Variants in VPS50 observed in about 807,000 individuals in gnomAD.
The protein encoded by VPS50 is VPS50 subunit of EARP/GARPII complex, also known as syndetin.
VPS50 carries 70 observed loss-of-function variants against 139.7 expected under a neutral mutation model. The ratio of observed to expected loss-of-function variants is 0.50; its 90% CI spans 0.41 to 0.61. The LOEUF (loss-of-function observed/expected upper bound fraction) is 0.61, where lower values mean the gene tolerates loss of function less well. VPS50 is among the 20% of genes least tolerant of loss of function. The pLI, the probability that VPS50 is intolerant of heterozygous loss-of-function variation, is 0.00. For missense variants in VPS50, 921 were observed against 1,133.7 expected, an observed-to-expected ratio of 0.81 and a Z score of 2.69; for synonymous variants, 365 against 376.7, an observed-to-expected ratio of 0.97 and a Z score of 0.36.
intron 22 of VPS50, chr7:93,340,501 AGC>A (rs1798182654): frequency 6.6e-6 from 1 of 152,054 alleles, no homozygotes; most frequent in South Asian, 2.1e-4. Context: ...GTTTGCTAAG[AGC>A]TTAGTAAAAA....
chr7:93,276,666 T>G (rs536914822), intron 12 of VPS50, among the ~76,000 whole-genome samples: 12 of 152,324 alleles, frequency 7.9e-5, no homozygotes, highest in Non-Finnish European at 1.2e-4. Context: ...AGTTTTTTCA[T>G]GTGTATGAAT....
intron 12 of VPS50, among the ~76,000 whole-genome samples, chr7:93,284,057 A>G (rs1486994589): frequency 6.6e-6 from 1 of 152,168 alleles, no homozygotes. Flanking sequence ...AACTCTTAAC[A>G]TTATCAATGT....
chr7:93,311,100 T>G (rs1797253481), intron 19 of VPS50, 66 bp from the exon 20 acceptor site: 1 of 787,556 alleles, frequency 1.3e-6, no homozygotes, highest in Non-Finnish European at 2.3e-6. Context: ...TAGGGACCTA[T>G]CTGACTAACT....
Position 93,257,538 on chromosome 7 carries a change from TA to T in VPS50, c.422+76del, listed in dbSNP as rs1232944144. ...GAATAACTATGGAATCTATAATTTA[TA>T]ATTGATTTTTTAAATTATGGATGTG... On this transcript the variant is annotated intron_variant, in intron 6 of 27. Transcript: ENST00000305866. 7 of 831,074 alleles carry T rather than the reference TA, an allele frequency of 8.4e-6. No individual in the cohort carries two copies. In the African/African-American group the frequency reaches 1.2e-4, roughly 15 times the overall value. 51.5% of individuals were successfully genotyped at this position (831,074 alleles called of 1,614,324 possible).
At chr7:93,246,678 A>C (rs537750549) in intron 2 of VPS50, among the ~76,000 whole-genome samples, 3 of 151,998 alleles carry the variant, frequency 2.0e-5, no homozygotes, top group South Asian at 2.1e-4. Flanking sequence ...AAGAGCCCTG[A>C]ATTTGGATTA....
intron 25 of VPS50, among the ~76,000 whole-genome samples, chr7:93,352,461 C>G (rs1798587635): frequency 6.6e-6 from 1 of 152,156 alleles, no homozygotes; most frequent in Non-Finnish European, 1.5e-5. Flanking sequence ...GAGGATAACA[C>G]AGTTGTCATT....
At chr7:93,338,905 G>A (rs547402052) in intron 22 of VPS50, among the ~76,000 whole-genome samples, 9 of 152,116 alleles carry the variant, frequency 5.9e-5, no homozygotes, top group Non-Finnish European at 1.3e-4. Flanking sequence ...GACTGCTAAG[G>A]AGCCTGTGAC....
chr7:93,250,173 CTCTTT>C (rs1584386711), intron 2 of VPS50, among the ~76,000 whole-genome samples: 1 of 151,860 alleles, frequency 6.6e-6, no homozygotes, highest in East Asian at 1.9e-4. Context: ...AGTTTGCCTT[CTCTTT>C]TAAGTTTATT....
intron 2 of VPS50, among the ~76,000 whole-genome samples, chr7:93,247,398 G>A (rs545434589): frequency 6.6e-6 from 1 of 152,004 alleles, no homozygotes; most frequent in African/African-American, 2.4e-5. Context: ...TTTCTATCCT[G>A]CGGAAGCCAC....
intron 9 of VPS50, among the ~76,000 whole-genome samples, chr7:93,261,735 C>T (rs918275740): frequency 2.1e-5 from 3 of 145,520 alleles, no homozygotes; most frequent in Admixed American, 2.0e-4. Context: ...GTTGTGCATA[C>T]AGTGGAAGCA....
chr7:93,351,363 C>T (rs1562901455), intron 25 of VPS50, among the ~76,000 whole-genome samples: 1 of 148,546 alleles, frequency 6.7e-6, no homozygotes, highest in Non-Finnish European at 1.5e-5. Flanking sequence ...GATACCCCTT[C>T]TTTTTTTTTT....
intron 2 of VPS50, among the ~76,000 whole-genome samples, chr7:93,247,158 ACAC>A (rs1795180197): frequency 6.6e-6 from 1 of 151,864 alleles, no homozygotes; most frequent in South Asian, 2.1e-4. Flanking sequence ...TGCTGGAAAA[ACAC>A]AGCCTCTAAA....
chr7:93,266,738 A>G (rs1209493073), intron 9 of VPS50, among the ~76,000 whole-genome samples: 5 of 152,206 alleles, frequency 3.3e-5, no homozygotes, highest in Non-Finnish European at 7.3e-5. Flanking sequence ...TCCTTTTAAC[A>G]TACTTTAATT....
intron 2 of VPS50, among the ~76,000 whole-genome samples, chr7:93,245,744 G>A (rs907186144): frequency 6.6e-6 from 1 of 151,824 alleles, no homozygotes; most frequent in African/African-American, 2.4e-5. Flanking sequence ...AAGAAAAACA[G>A]GGTAGGCTTT....
chr7:93,357,510 A>G (rs1798740577), intron 27 of VPS50, among the ~76,000 whole-genome samples: 1 of 152,168 alleles, frequency 6.6e-6, no homozygotes. Flanking sequence ...GCTCTCAGAG[A>G]TCAGATACAC....
intron 21 of VPS50, among the ~76,000 whole-genome samples, chr7:93,331,928 CA>C (rs1797953511): frequency 6.6e-6 from 1 of 152,110 alleles, no homozygotes; most frequent in Non-Finnish European, 1.5e-5. Context: ...ATCTGCACTG[CA>C]AAAGAAGATA....
intron 2 of VPS50, chr7:93,246,224 A>C (rs553190927): frequency 1.2e-6 from 1 of 837,624 alleles, no homozygotes; most frequent in African/African-American, 1.7e-5. Flanking sequence ...CTTTGATCAA[A>C]GATTTGCTGT....
In VPS50 at chr7:93,253,921, A is replaced by G. The variant is rs1329296123; in HGVS notation, c.287A>G (p.Gln96Arg). 7.6e-6 allele frequency: 12 copies of G among 1,579,568 alleles called. No individual in the cohort carries two copies. In the Admixed American group the frequency reaches 8.5e-5, roughly 11 times the overall value. Residue 96 changes from glutamine (Q) to arginine (R), a missense_variant, in exon 4 of 28, where the codon CAG becomes CGG. This residue lies in a region of VPS50 where 744 missense variants were observed against 930.6 expected (regional missense o/e 0.80). Coordinates refer to ENST00000305866, the MANE Select transcript of VPS50 (RefSeq NM_017667.4). The part of the protein sequence containing the change: ...LEAYRDKLKQ[Q>R]QAAVSKKVAD... Reference sequence around the variant, plus strand: ...GCGTATAGAGACAAATTGAAACAACAGCAAGCTGCAGTAAGTAAAAAAAAA... The same window carrying G: ...GCGTATAGAGACAAATTGAAACAACGGCAAGCTGCAGTAAGTAAAAAAAAA...
rs577050612 is a variant in VPS50, at chr7:93,360,192, A to C, written c.*1756A>C. On this transcript the variant is annotated 3_prime_UTR_variant, in exon 28 of 28. Transcript: ENST00000305866. ...ATGGATTTTATAGTTGGTTTCCTTT[A>C]ATTTCTACTTTAGTTGGCCCTAGAT... 5 of 152,080 alleles carry C rather than the reference A, an allele frequency of 3.3e-5. No individual in the cohort carries two copies. Among genetic ancestry groups the C allele is most frequent in the Non-Finnish European group, 7.4e-5 (5 of 68,010 alleles). 9.4% of individuals were successfully genotyped at this position (152,080 alleles called of 1,614,324 possible).
Sources: allele counts gnomAD v4.1 joint callset (sites outside exome capture counted in the v4.1 genomes callset), GRCh38; gene constraint gnomAD v4.1.1; regional missense constraint gnomAD v4.1.1; transcripts MANE v1.5; gene names NCBI Gene and HGNC (gene_info 2026-07-23, HGNC 2026-07-21).